Variants in ATAD2B observed in about 807,000 individuals in gnomAD.
ATAD2B encodes the protein ATPase family AAA domain-containing protein 2B.
ATAD2B carries 40 observed loss-of-function variants against 167.6 expected under a neutral mutation model. The observed-to-expected ratio is 0.24, with a 90% CI of 0.19 to 0.31. The LOEUF (loss-of-function observed/expected upper bound fraction) is 0.31, where lower values mean the gene tolerates loss of function less well. Among genes scored for constraint, ATAD2B ranks in the 10% least tolerant of loss-of-function variants. The pLI is 1.00. For synonymous variants in ATAD2B, 579 were observed against 596.5 expected, an observed-to-expected ratio of 0.97 and a Z score of 0.43; for missense variants, 1,242 against 1,757.2, an observed-to-expected ratio of 0.71 and a Z score of 5.24.
At chr2:23,823,996 C>A (rs1687863702) in intron 15 of ATAD2B, among the ~76,000 whole-genome samples, 2 of 152,040 alleles carry the variant, frequency 1.3e-5, no homozygotes, top group African/African-American at 2.4e-5. Flanking sequence ...CCCAGCCAGG[C>A]TGGAGTGCAG....
At chr2:23,807,815 TAAAAA>T (rs375966207) in intron 18 of ATAD2B, among the ~76,000 whole-genome samples, 48 of 119,494 alleles carry the variant, frequency 4.0e-4, no homozygotes, top group South Asian at 7.5e-4. Flanking sequence ...GACTCCATCT[TAAAAA>T]AAAAAAAAAT....
the ATAD2B span, chr2:23,703,844 C>G: frequency 6.5e-7 from 1 of 1,537,124 alleles, no homozygotes. Flanking sequence ...AAACATGAAC[C>G]ACTCTCGCCA....
At chr2:23,829,503 C>A (rs1688724148) in intron 14 of ATAD2B, among the ~76,000 whole-genome samples, 1 of 152,180 alleles carries the variant, frequency 6.6e-6, no homozygotes, top group African/African-American at 2.4e-5. Flanking sequence ...GCAATCCCAG[C>A]ACTTTGGGAT....
chr2:23,804,609 GAGGATGA>G (rs1253283005), intron 18 of ATAD2B, among the ~76,000 whole-genome samples: 1 of 150,704 alleles, frequency 6.6e-6, no homozygotes, highest in Admixed American at 6.6e-5. Flanking sequence ...CAAGAGACCA[GAGGATGA>G]AGTTAGAATT....
intron 12 of ATAD2B, among the ~76,000 whole-genome samples, chr2:23,861,949 C>T (rs1215952248): frequency 6.6e-6 from 1 of 152,010 alleles, no homozygotes; most frequent in African/African-American, 2.4e-5. Flanking sequence ...GCCTATAATC[C>T]CAACACTTTG....
the ATAD2B span, among the ~76,000 whole-genome samples, chr2:23,710,451 G>A: frequency 1.3e-5 from 2 of 152,172 alleles, no homozygotes; most frequent in Non-Finnish European, 2.9e-5. Context: ...ATGAGGAGCC[G>A]TGAACCCCGT....
intron 13 of ATAD2B, among the ~76,000 whole-genome samples, chr2:23,854,139 G>GT (rs1321415739): frequency 2.0e-5 from 3 of 151,962 alleles, no homozygotes; most frequent in African/African-American, 7.3e-5. Flanking sequence ...CAGCTACTCA[G>GT]GAGGCTGAGG....
chr2:23,768,898 T>C (rs1245596440), intron 22 of ATAD2B, among the ~76,000 whole-genome samples: 1 of 152,244 alleles, frequency 6.6e-6, no homozygotes, highest in Non-Finnish European at 1.5e-5. Context: ...AATTTGTTTA[T>C]CCATTCACAT....
intron 13 of ATAD2B, among the ~76,000 whole-genome samples, chr2:23,855,214 G>A (rs925774276): frequency 8.1e-5 from 12 of 148,526 alleles, no homozygotes; most frequent in Non-Finnish European, 1.6e-4. Flanking sequence ...AAAAACACAA[G>A]GACTACAACA....
chr2:23,699,369 A>G, the ATAD2B span, among the ~76,000 whole-genome samples: 1 of 152,226 alleles, frequency 6.6e-6, no homozygotes, highest in Non-Finnish European at 1.5e-5. Flanking sequence ...AACAGTGAGC[A>G]GCATGGTGGG....
chr2:23,821,631 T>A (rs6545121), intron 16 of ATAD2B, among the ~76,000 whole-genome samples: 40,467 of 152,094 alleles, frequency 0.27, 5,761 homozygotes, highest in African/African-American at 0.36. Context: ...TATAATTCTC[T>A]GAATAATTTT....
chr2:23,884,036 C>T (rs1463694838), intron 6 of ATAD2B, among the ~76,000 whole-genome samples: 1 of 151,940 alleles, frequency 6.6e-6, no homozygotes, highest in Non-Finnish European at 1.5e-5. Flanking sequence ...ACTAGGTACT[C>T]GAAAGGCTGA....
At chr2:23,678,949 C>T in the ATAD2B span, among the ~76,000 whole-genome samples, 7 of 151,718 alleles carry the variant, frequency 4.6e-5, no homozygotes, top group East Asian at 5.8e-4. Flanking sequence ...GTGGAGTTTC[C>T]GTTTGTGAAG....
At chr2:23,791,906 T>C (rs1220794231) in intron 19 of ATAD2B, among the ~76,000 whole-genome samples, 4 of 152,196 alleles carry the variant, frequency 2.6e-5, no homozygotes, top group South Asian at 2.1e-4. Flanking sequence ...TAGAACTTGA[T>C]TGGCTGGATC....
chr2:23,885,967 T>C (rs527664697), intron 4 of ATAD2B, 138 bp from the exon 5 acceptor site: 31 of 546,304 alleles, frequency 5.7e-5, no homozygotes, highest in African/African-American at 5.5e-4. Flanking sequence ...TTTTTTTAGA[T>C]AGAGTGTCCC....
intron 17 of ATAD2B, among the ~76,000 whole-genome samples, chr2:23,818,161 G>A (rs1287086265): frequency 4.3e-5 from 6 of 138,306 alleles, no homozygotes; most frequent in Non-Finnish European, 9.3e-5. Context: ...GAAGGAGGGA[G>A]GGAAGAAGAG....
chr2:23,921,003 G>A (rs555474164), intron 1 of ATAD2B, among the ~76,000 whole-genome samples: 11 of 152,042 alleles, frequency 7.2e-5, no homozygotes, highest in Admixed American at 2.6e-4. Flanking sequence ...TCAGGAGTTC[G>A]AGACCAGCCT....
chr2:23,687,625 TGTG>T, the ATAD2B span, among the ~76,000 whole-genome samples: 3 of 152,054 alleles, frequency 2.0e-5, no homozygotes, highest in Non-Finnish European at 4.4e-5. Flanking sequence ...TTCAGAGACT[TGTG>T]GTCCAAGGGC....
intron 22 of ATAD2B, among the ~76,000 whole-genome samples, chr2:23,766,479 G>T (rs921232869): frequency 6.6e-6 from 1 of 152,192 alleles, no homozygotes; most frequent in African/African-American, 2.4e-5. Context: ...TAACTTTTCT[G>T]ATTTGAAAGT....
Sources: gnomAD v4.1 joint callset for allele counts (sites outside exome capture counted in the v4.1 genomes callset) on GRCh38, gnomAD v4.1.1 for gene constraint, MANE v1.5 for transcripts, NCBI Gene and HGNC (gene_info 2026-07-23, HGNC 2026-07-21) for gene names.